The following ING5 variants were observed in gnomAD, a reference collection of about 807,000 sequenced individuals.
ING5 encodes inhibitor of growth family member 5, also known as inhibitor of growth protein 5.
In ING5, 17 loss-of-function variants were observed where a neutral mutation model predicts 37.4. That is an observed-to-expected ratio of 0.45 (90% CI 0.31 to 0.68). The LOEUF is 0.68. ING5 is among the 30% of genes least tolerant of loss of function. The pLI, the probability that ING5 is intolerant of heterozygous loss-of-function variation, is 0.05. For synonymous variants in ING5, 123 were observed against 116.6 expected (o/e 1.06, Z -0.36); for missense variants, 233 against 311.9 (o/e 0.75, Z 1.91).
intron 2 of ING5, 112 bp downstream of exon 2, chr2:241,704,836 T>C (rs1239654880): frequency 1.2e-6 from 1 of 846,154 alleles, no homozygotes; most frequent in Non-Finnish European, 2.0e-6. Flanking sequence ...AGTGGGGCAT[T>C]GGCCTAGCCC....
intron 2 of ING5, among the ~76,000 whole-genome samples, chr2:241,708,803 G>A (rs1399660450): frequency 6.6e-6 from 1 of 152,072 alleles, no homozygotes; most frequent in Non-Finnish European, 1.5e-5. Context: ...ATTTCTTTAG[G>A]TGACATAAGG....
At chr2:241,703,536 C>T (rs2069809071) in intron 1 of ING5, among the ~76,000 whole-genome samples, 1 of 152,108 alleles carries the variant, frequency 6.6e-6, no homozygotes, top group Admixed American at 6.6e-5. Flanking sequence ...GGCGTTAGTC[C>T]CATTTCCAGT....
At chr2:241,713,620 C>T (rs1177697447) in intron 5 of ING5, among the ~76,000 whole-genome samples, 1 of 151,674 alleles carries the variant, frequency 6.6e-6, no homozygotes, top group Non-Finnish European at 1.5e-5. Context: ...ATCCACCTGC[C>T]TTGGCCTCCC....
chr2:241,698,643 A>C (rs994066371), upstream of ING5, among the ~76,000 whole-genome samples: 1 of 152,144 alleles, frequency 6.6e-6, no homozygotes, highest in African/African-American at 2.4e-5. Context: ...ATGCACTCAA[A>C]CTGCTAACAT....
intron 2 of ING5, among the ~76,000 whole-genome samples, chr2:241,707,867 T>G (rs1414194149): frequency 6.6e-6 from 1 of 152,208 alleles, no homozygotes; most frequent in Non-Finnish European, 1.5e-5. Context: ...CATCCTGAGT[T>G]TGGTGACAGT....
intron 5 of ING5, chr2:241,719,414 C>A: frequency 1.2e-6 from 1 of 813,672 alleles, no homozygotes; most frequent in African/African-American, 1.7e-5. Flanking sequence ...TCTTGTTGCT[C>A]CACAGCTCCC....
intron 1 of ING5, 88 bp downstream of exon 1, chr2:241,702,190 C>T (rs1384893961): frequency 1.2e-5 from 9 of 720,654 alleles, no homozygotes; most frequent in Non-Finnish European, 1.6e-5. Flanking sequence ...CGCATGCAGA[C>T]CCCGTGGGCT....
intron 5 of ING5, 173 bp downstream of exon 5, chr2:241,712,244 G>A (rs1326939664): frequency 5.2e-6 from 3 of 579,622 alleles, no homozygotes; most frequent in Admixed American, 7.1e-5. Context: ...CAGCCTTTGA[G>A]GGGGTGCCGT....
chr2:241,723,395 A>C lies in ING5; in HGVS notation c.680+124A>C, dbSNP rs367998614. On this transcript the variant is annotated intron_variant, in intron 7 of 7. Coordinates refer to ENST00000313552, the MANE Select transcript of ING5 (RefSeq NM_032329.6). The stretch of plus-strand genomic sequence containing the variant: ...GCTTAGCGGGACACGGTAGCCACGT[A>C]GGCATGCCCCACTGTGGCCTCAAGG... 7 of 1,044,652 alleles carry C rather than the reference A, an allele frequency of 6.7e-6. No individual in the cohort carries two copies. In the African/African-American group the frequency reaches 7.8e-5, roughly 12 times the overall value. The allele number at this position is 1,044,652 out of a possible 1,614,324, so 64.7% of individuals were successfully genotyped here.
chr2:241,695,724 G>T (rs1052563299), intron 2 of ING5, among the ~76,000 whole-genome samples: 2 of 152,212 alleles, frequency 1.3e-5, no homozygotes, highest in South Asian at 2.1e-4. Context: ...GTTTTCAGGG[G>T]TCTGTAAGGC....
rs1274717269 is a variant in ING5 at position 241,709,486 on chromosome 2, G to A, written c.276+104G>A. ...CGGAAATGGGCATAGCCAAGTGGAA[G>A]GCTGGCTTTGGTAGCTGACGCTGCT... On this transcript the variant is annotated intron_variant, in intron 3 of 7. Coordinates refer to ENST00000313552, the MANE Select transcript of ING5 (RefSeq NM_032329.6). 4 of 1,084,778 alleles carry A rather than the reference G, an allele frequency of 3.7e-6. No homozygotes were observed. In the African/African-American group the frequency reaches 6.4e-5, roughly 17 times the overall value. 67.2% of individuals were successfully genotyped at this position (1,084,778 alleles called of 1,614,324 possible).
exon 1 of ING5, chr2:241,687,141 G>C (rs1251573994): frequency 7.7e-6 from 3 of 389,420 alleles, no homozygotes; most frequent in African/African-American, 6.2e-5. Context: ...GGGAGCGCAG[G>C]GTCGGAGGGG....
chr2:241,724,756 T>G, intron 7 of ING5: 2 of 493,518 alleles, frequency 4.1e-6, no homozygotes, highest in Non-Finnish European at 6.8e-6. Context: ...GTCAAATCGG[T>G]TTTGCTCATT....
At chr2:241,723,964 C>T (rs527928311) in intron 7 of ING5, 25 of 1,244,206 alleles carry the variant, frequency 2.0e-5, no homozygotes, top group East Asian at 1.8e-4. Flanking sequence ...GAGCTGAGAT[C>T]GCGCCACTGC....
At chr2:241,715,409 T>C (rs1011488615) in intron 5 of ING5, among the ~76,000 whole-genome samples, 1 of 150,586 alleles carries the variant, frequency 6.6e-6, no homozygotes, top group African/African-American at 2.4e-5. Flanking sequence ...TTGCCCAGGG[T>C]GGTCTTAAAC....
rs372230469 is a variant in ING5 at position 241,712,105 on chromosome 2, C to T, written c.482+34C>T. 4.0e-6 allele frequency: 6 copies of T among 1,487,166 alleles called. No individual in the cohort carries two copies. The South Asian group carries it at 4.9e-5, about 12-fold the overall frequency. The allele number at this position is 1,487,166 out of a possible 1,614,324, so 92.1% of individuals were successfully genotyped here. A position where few individuals can be genotyped will look rare whatever the true frequency, so the allele number is the denominator to read the frequency against. ...CTTTCCCCTCTTTTTCCCAAAAGAA[C>T]GAATACCCATAGCCTGTATCCCGGA... On this transcript the variant is annotated intron_variant, in intron 5 of 7. Transcript: ENST00000313552.
intron 5 of ING5, chr2:241,722,258 T>G (rs1575140931): frequency 5.6e-5 from 55 of 985,168 alleles, no homozygotes; most frequent in Non-Finnish European, 6.6e-5. Flanking sequence ...CTGGCAGAGG[T>G]GACGTGTGCT....
At chr2:241,708,033 G>A (rs2069978551) in intron 2 of ING5, among the ~76,000 whole-genome samples, 1 of 152,150 alleles carries the variant, frequency 6.6e-6, no homozygotes, top group Admixed American at 6.6e-5. Context: ...GAGTAGCTGG[G>A]ACCATAGGCA....
At chr2:241,724,879 C>T in intron 7 of ING5, 110 bp from the exon 8 acceptor site, 6 of 1,136,560 alleles carry the variant, frequency 5.3e-6, no homozygotes, top group South Asian at 2.6e-5. Context: ...CTCCTGGTGC[C>T]CTCCTGCCGG....
Sources: gnomAD v4.1 joint callset for allele counts (sites outside exome capture counted in the v4.1 genomes callset) on GRCh38, gnomAD v4.1.1 for gene constraint, MANE v1.5 for transcripts, NCBI Gene and HGNC (gene_info 2026-07-23, HGNC 2026-07-21) for gene names.